TVP23A: variants seen among roughly 807,000 people sequenced by gnomAD.
The protein encoded by TVP23A is Golgi apparatus membrane protein TVP23 homolog A.
Under a neutral mutation model 31.7 loss-of-function variants are expected in TVP23A, and 21 were observed. That is an observed-to-expected ratio of 0.66 (90% CI 0.47 to 0.95). The LOEUF (loss-of-function observed/expected upper bound fraction) is 0.95, where lower values mean the gene tolerates loss of function less well. Among genes scored for constraint, TVP23A ranks in the 40% least tolerant of loss-of-function variants. The pLI is 0.00. For missense variants in TVP23A, 279 were observed against 255.6 expected (o/e 1.09, Z -0.62); for synonymous variants, 104 against 96.0 (o/e 1.08, Z -0.49).
At position 10,766,715 on chromosome 16, in the gene TVP23A, A is replaced by C. The variant is rs1228999033; in HGVS notation, c.*2387T>G. On this transcript the variant is annotated 3_prime_UTR_variant, in exon 8 of 8. Coordinates refer to ENST00000299866, the MANE Select transcript of TVP23A (RefSeq NM_001079512.4). The surrounding 1 kb of genome is among the most constrained non-coding windows in gnomAD (Gnocchi z 4.8). ...AGGGATTTATTGAAAATGAAAGTCA[A>C]CTCCACGGTGTGGGAGGAGAACGGG... The C allele has an allele frequency of 5.2e-6, 2 of 387,164 alleles. No individual in the cohort carries two copies. The allele number at this position is 387,164 out of a possible 1,614,324, so 24.0% of individuals were successfully genotyped here. A position where few individuals can be genotyped will look rare whatever the true frequency, so the allele number is the denominator to read the frequency against.
chr16:10,777,793 C>T lies in TVP23A; in HGVS notation c.90-2697G>A, dbSNP rs896476696. Among the ~76,000 whole-genome samples, 2 of 151,782 alleles carry T rather than the reference C, an allele frequency of 1.3e-5. No homozygotes were observed. The highest frequency in any genetic ancestry group is 2.1e-4 in the South Asian group (1 of 4,814). On this transcript the variant is annotated intron_variant, in intron 2 of 7. Coordinates refer to ENST00000299866, the MANE Select transcript of TVP23A (RefSeq NM_001079512.4). This position sits in a 1 kb window ranked among gnomAD's most constrained non-coding sequence, Gnocchi z 4.5. Reference sequence around the variant, plus strand: ...TTGGGAGGCTGAGGCAGGTGGATCACGAGGTCAAGAGACTGAGACCATCCC... The same window carrying T: ...TTGGGAGGCTGAGGCAGGTGGATCATGAGGTCAAGAGACTGAGACCATCCC...
chr16:10,787,968 T>C (rs145306800), intron 2 of TVP23A, among the ~76,000 whole-genome samples: 10 of 152,288 alleles, frequency 6.6e-5, no homozygotes, highest in African/African-American at 1.9e-4. Context: ...AAGAGATTAA[T>C]CCTGAGCCAA....
chr16:10,758,171 A>C, downstream of TVP23A: 1 of 932,886 alleles, frequency 1.1e-6, no homozygotes. Flanking sequence ...GTCTGCAGAA[A>C]CCTCGTGTTA....
chr16:10,785,039 G>C (rs1311292227), intron 2 of TVP23A, among the ~76,000 whole-genome samples: 3 of 151,554 alleles, frequency 2.0e-5, no homozygotes, highest in African/African-American at 7.3e-5. Context: ...GGTGGTTGCA[G>C]TGTGCTGAGA....
chr16:10,808,977 T>C (rs1249054430), intron 2 of TVP23A, among the ~76,000 whole-genome samples: 1 of 152,118 alleles, frequency 6.6e-6, no homozygotes, highest in African/African-American at 2.4e-5. Flanking sequence ...AAGCATAACA[T>C]AACTTTCCAC....
At chr16:10,782,796 G>A (rs942740203) in intron 2 of TVP23A, among the ~76,000 whole-genome samples, 41 of 151,972 alleles carry the variant, frequency 2.7e-4, no homozygotes, top group African/African-American at 8.9e-4. Flanking sequence ...GAGCCACTGC[G>A]CCCAGCCTGT....
chr16:10,813,998 T>TAA (rs2034319547), intron 2 of TVP23A, among the ~76,000 whole-genome samples: 1 of 16,066 alleles, frequency 6.2e-5, no homozygotes, highest in Admixed American at 1.3e-3. Flanking sequence ...AAACTCCATC[T>TAA]CAAAAAAAAA....
At chr16:10,759,290 G>C (rs1017303012), downstream of TVP23A, among the ~76,000 whole-genome samples, 1 of 152,180 alleles carries the variant, frequency 6.6e-6, no homozygotes, top group Admixed American at 6.5e-5. This position sits in a 1 kb window ranked among gnomAD's most constrained non-coding sequence, Gnocchi z 4.7. Context: ...CCATGGGAAG[G>C]GTGTCCGGGT....
Position 10,766,886 on chromosome 16 carries a change from G to A in TVP23A, c.*2216C>T, listed in dbSNP as rs2142831490. The A allele has an allele frequency of 1.0e-5, 4 of 398,580 alleles. No individual in the cohort carries two copies. The East Asian group carries it at 1.4e-4, about 14-fold the overall frequency. The allele number at this position is 398,580 out of a possible 1,614,324, so 24.7% of individuals were successfully genotyped here. Reference sequence around the variant, plus strand: ...ACGTCCTATGGAGAGGACATTTCCTGTTATGGCTCAAGTGCGAATTGGCCT... The same window carrying A: ...ACGTCCTATGGAGAGGACATTTCCTATTATGGCTCAAGTGCGAATTGGCCT... On this transcript the variant is annotated 3_prime_UTR_variant, in exon 8 of 8. Coordinates refer to ENST00000299866, the MANE Select transcript of TVP23A (RefSeq NM_001079512.4). The surrounding 1 kb of genome is among the most constrained non-coding windows in gnomAD (Gnocchi z 4.8).
chr16:10,776,403 C>T (rs2032023941), intron 2 of TVP23A, among the ~76,000 whole-genome samples: 1 of 152,032 alleles, frequency 6.6e-6, no homozygotes, highest in African/African-American at 2.4e-5. Context: ...AAAATAAAAA[C>T]AAGAAAAGAA....
At chr16:10,772,349 C>G (rs912924436) in intron 5 of TVP23A, among the ~76,000 whole-genome samples, 1 of 152,120 alleles carries the variant, frequency 6.6e-6, no homozygotes, top group South Asian at 2.1e-4. Context: ...GTTTTACTAT[C>G]TACAAATATT....
In TVP23A at chr16:10,779,636, C is replaced by T. The variant is rs968316963; in HGVS notation, c.90-4540G>A. Among the ~76,000 whole-genome samples, 3 of 152,184 alleles carry T rather than the reference C, an allele frequency of 2.0e-5. No individual in the cohort carries two copies. The highest frequency in any genetic ancestry group is 6.5e-5 in the Admixed American group (1 of 15,276). On this transcript the variant is annotated intron_variant, in intron 2 of 7. Transcript: ENST00000299866. The surrounding 1 kb of genome is among the most constrained non-coding windows in gnomAD (Gnocchi z 4.9). The stretch of plus-strand genomic sequence containing the variant: ...GCGGCATATTCTTGTGGCCCAAAAA[C>T]GAGATGCAGATGAACTGGGAGAGGA...
At chr16:10,773,696 G>C (rs981001238) in intron 4 of TVP23A, among the ~76,000 whole-genome samples, 1 of 151,952 alleles carries the variant, frequency 6.6e-6, no homozygotes, top group Admixed American at 6.6e-5. Context: ...TCAGCCTCCC[G>C]AGTAGCTGGG....
In TVP23A at chr16:10,790,434, G is replaced by A. The variant is rs545645862; in HGVS notation, c.90-15338C>T. 1.1e-4 allele frequency among the ~76,000 whole-genome samples: 16 copies of A among 151,942 alleles called. No individual in the cohort carries two copies. In the East Asian group the frequency reaches 2.7e-3, roughly 26 times the overall value. ...CGAGTAGCTGGGACTACAGGCGCCC[G>A]CCACCATGCCTGGCTAATATTTTGC... On this transcript the variant is annotated intron_variant, in intron 2 of 7. Transcript: ENST00000299866.
In TVP23A at chr16:10,768,496, A is replaced by G. The variant is rs1971562; in HGVS notation, c.*606T>C. The G allele has an allele frequency of 0.31, 48,457 of 157,572 alleles. 8,044 individuals are homozygous for G. The highest frequency in any genetic ancestry group is 0.46 in the Admixed American group (7,322 of 15,910). The allele number at this position is 157,572 out of a possible 1,614,324, so 9.8% of individuals were successfully genotyped here. A position where few individuals can be genotyped will look rare whatever the true frequency, so the allele number is the denominator to read the frequency against. ...GTGGCGCATGCCTGTAGTCCCAGCTACTCAGGAGGCTGAGGCAGGAGAATC... is the reference window on the plus strand; with the variant it reads ...GTGGCGCATGCCTGTAGTCCCAGCTGCTCAGGAGGCTGAGGCAGGAGAATC... On this transcript the variant is annotated 3_prime_UTR_variant, in exon 8 of 8. Transcript: ENST00000299866. This position sits in a 1 kb window ranked among gnomAD's most constrained non-coding sequence, Gnocchi z 4.3.
At chr16:10,766,216 G>C (rs1321665876), downstream of TVP23A, 1 of 152,386 alleles carries the variant, frequency 6.6e-6, no homozygotes, top group African/African-American at 2.4e-5. The surrounding 1 kb of genome is among the most constrained non-coding windows in gnomAD (Gnocchi z 4.8). Flanking sequence ...TGTGGGACTT[G>C]GGCTAGTCAT....
chr16:10,781,540 C>A (rs2032423176), intron 2 of TVP23A, among the ~76,000 whole-genome samples: 1 of 152,142 alleles, frequency 6.6e-6, no homozygotes, highest in Admixed American at 6.5e-5. Flanking sequence ...GATTCTCAAC[C>A]TGGAATGTGT....
In TVP23A at chr16:10,767,234, C is replaced by T. The variant is rs1174574533; in HGVS notation, c.*1868G>A. 1.3e-5 allele frequency: 5 copies of T among 399,780 alleles called. 1 individual carries two copies. In the East Asian group the frequency reaches 1.8e-4, roughly 14 times the overall value. The allele number at this position is 399,780 out of a possible 1,614,324, so 24.8% of individuals were successfully genotyped here. On this transcript the variant is annotated 3_prime_UTR_variant, in exon 8 of 8. Transcript: ENST00000299866. This position sits in a 1 kb window ranked among gnomAD's most constrained non-coding sequence, Gnocchi z 4.6. ...CAGGGCAGACTGGAGGCGAGAACAC[C>T]CCCATTGACCCCTAGCCCCTTGTGT...
At chr16:10,763,095 A>T (rs1466417115), downstream of TVP23A, among the ~76,000 whole-genome samples, 3 of 151,862 alleles carry the variant, frequency 2.0e-5, no homozygotes, top group African/African-American at 7.3e-5. Context: ...AGTACAAGTC[A>T]CCTGGAGGAG....
Sources: gnomAD v4.1 joint callset for allele counts (sites outside exome capture counted in the v4.1 genomes callset) on GRCh38, gnomAD v4.1.1 for gene constraint, Gnocchi (gnomAD v3.1) non-coding constraint, MANE v1.5 for transcripts, NCBI Gene and HGNC (gene_info 2026-07-23, HGNC 2026-07-21) for gene names.